Variants in PRKG1 observed in about 807,000 individuals in gnomAD.
PRKG1 encodes cGMP-dependent protein kinase 1.
A neutral mutation model predicts 88.1 loss-of-function variants in PRKG1; 35 were observed. The ratio of observed to expected loss-of-function variants is 0.40; its 90% CI spans 0.30 to 0.53. PRKG1 has a LOEUF of 0.53. Ranked by LOEUF, PRKG1 falls within the 20% of genes least tolerant of loss-of-function variation. PRKG1 has a pLI of 0.59. For missense variants in PRKG1, 540 were observed against 839.8 expected (o/e 0.64, Z 4.41); for synonymous variants, 303 against 292.5 (o/e 1.04, Z -0.37).
chr10:52,156,995 A>G (rs1017143567), intron 8 of PRKG1, among the ~76,000 whole-genome samples: 8 of 151,656 alleles, frequency 5.3e-5, no homozygotes, highest in African/African-American at 1.7e-4. Context: ...ATAGCTTCCA[A>G]TTTAAGATTT....
intron 5 of PRKG1, among the ~76,000 whole-genome samples, chr10:52,037,594 G>A (rs11000538): frequency 0.15 from 23,136 of 151,990 alleles, 1,812 homozygotes; most frequent in East Asian, 0.28. Context: ...GAGCCTAAAC[G>A]CTATCTGATT....
chr10:52,093,839 A>G (rs1293328454), intron 7 of PRKG1, among the ~76,000 whole-genome samples: 2 of 152,120 alleles, frequency 1.3e-5, no homozygotes, highest in Non-Finnish European at 2.9e-5. Context: ...TTAACCTTCT[A>G]TAGTTTTAAA....
chr10:51,951,080 C>T (rs1259922695), intron 5 of PRKG1, among the ~76,000 whole-genome samples: 2 of 152,128 alleles, frequency 1.3e-5, no homozygotes, highest in East Asian at 1.9e-4. Flanking sequence ...AAAAATCAGT[C>T]GGGGAAGGGT....
At chr10:51,353,647 C>T (rs540881444) in intron 2 of PRKG1, among the ~76,000 whole-genome samples, 1 of 152,120 alleles carries the variant, frequency 6.6e-6, no homozygotes, top group Non-Finnish European at 1.5e-5. Flanking sequence ...CAGGCAATAA[C>T]AAATGCTGGC....
At chr10:51,111,543 G>C (rs944604937) in intron 1 of PRKG1, among the ~76,000 whole-genome samples, 2 of 152,118 alleles carry the variant, frequency 1.3e-5, no homozygotes, top group Non-Finnish European at 2.9e-5. Flanking sequence ...AGGATGGAAA[G>C]ATGATTGATG....
chr10:52,239,457 A>AAAC (rs1373672796), intron 9 of PRKG1, among the ~76,000 whole-genome samples: 78 of 147,502 alleles, frequency 5.3e-4, no homozygotes, highest in African/African-American at 1.9e-3. Context: ...TTCATGTTTA[A>AAAC]GGGAAAGCCA....
intron 5 of PRKG1, among the ~76,000 whole-genome samples, chr10:51,966,575 C>A (rs11000315): frequency 0.1 from 15,598 of 152,190 alleles, 1,154 homozygotes; most frequent in East Asian, 0.29. Context: ...ATTCCTTTAA[C>A]TTCTCCTGGA....
chr10:51,980,897 TTGA>T (rs1455388277), intron 5 of PRKG1, among the ~76,000 whole-genome samples: 2 of 152,198 alleles, frequency 1.3e-5, no homozygotes, highest in African/African-American at 4.8e-5. Flanking sequence ...GATGGGTCTC[TTGA>T]AGACAGCATA....
At chr10:51,341,847 C>A (rs1242607010) in intron 2 of PRKG1, among the ~76,000 whole-genome samples, 10 of 152,138 alleles carry the variant, frequency 6.6e-5, no homozygotes, top group African/African-American at 2.4e-4. Context: ...AAATGAGGAG[C>A]AAGTCACGTC....
At chr10:51,053,192 T>C (rs1843585866) in intron 1 of PRKG1, among the ~76,000 whole-genome samples, 1 of 151,896 alleles carries the variant, frequency 6.6e-6, no homozygotes. Flanking sequence ...ATCACACCAT[T>C]GCACTCCAGT....
intron 3 of PRKG1, among the ~76,000 whole-genome samples, chr10:51,589,119 G>T (rs1433835885): frequency 1.3e-5 from 2 of 152,062 alleles, no homozygotes; most frequent in Non-Finnish European, 2.9e-5. Context: ...TTGTTGCTGA[G>T]TTGCTAACTG....
chr10:51,796,082 A>G, intron 3 of PRKG1, among the ~76,000 whole-genome samples: 1 of 152,134 alleles, frequency 6.6e-6, no homozygotes, highest in African/African-American at 2.4e-5. Flanking sequence ...AAGAATTATA[A>G]GAATATTTTA....
Position 52,010,466 on chromosome 10 carries a change from T to C in PRKG1, c.763-44018T>C, listed in dbSNP as rs553503830. The stretch of plus-strand genomic sequence containing the variant: ...TATAAAAAATGCTCAAGATCACTAA[T>C]CATTACTTAAACCAGGGGTGTTGAA... On this transcript the variant is annotated intron_variant, in intron 5 of 17. Coordinates refer to ENST00000373980, the MANE Select transcript of PRKG1 (RefSeq NM_006258.4). Among the ~76,000 whole-genome samples the C allele has an allele frequency of 2.0e-5, 3 of 152,250 alleles. No individual in the cohort carries two copies. The South Asian group carries it at 6.2e-4, about 32-fold the overall frequency.
chr10:51,296,448 T>C (rs1840722411), intron 2 of PRKG1, among the ~76,000 whole-genome samples: 1 of 152,096 alleles, frequency 6.6e-6, no homozygotes, highest in African/African-American at 2.4e-5. Flanking sequence ...TTCCTTTAGG[T>C]TATCCAGTTT....
At chr10:51,691,874 T>A (rs1841153801) in intron 3 of PRKG1, among the ~76,000 whole-genome samples, 1 of 152,188 alleles carries the variant, frequency 6.6e-6, no homozygotes, top group Non-Finnish European at 1.5e-5. Context: ...AGGTTTCTTG[T>A]CCAAAGATAT....
At chr10:52,217,034 G>A (rs1589707549) in intron 9 of PRKG1, among the ~76,000 whole-genome samples, 1 of 151,974 alleles carries the variant, frequency 6.6e-6, no homozygotes, top group Non-Finnish European at 1.5e-5. Context: ...CTGTCTGATG[G>A]TGATGCGGAA....
chr10:51,833,657 G>T (rs1286712242), intron 4 of PRKG1, among the ~76,000 whole-genome samples: 1 of 152,120 alleles, frequency 6.6e-6, no homozygotes, highest in Non-Finnish European at 1.5e-5. Flanking sequence ...AGGACAATTA[G>T]CCTATCCATC....
chr10:51,191,451 G>A (rs184923713), intron 2 of PRKG1, among the ~76,000 whole-genome samples: 1 of 151,946 alleles, frequency 6.6e-6, no homozygotes, highest in Admixed American at 6.6e-5. Context: ...TTGGAGCAGT[G>A]TCTGGCTCAT....
At position 52,159,713 on chromosome 10, in the gene PRKG1, C is replaced by T. The variant is rs189007758; in HGVS notation, c.1002-2176C>T. 8.0e-4 allele frequency among the ~76,000 whole-genome samples: 121 copies of T among 151,720 alleles called. 1 individual carries two copies. Among genetic ancestry groups the T allele is most frequent in the East Asian group, 1.4e-3 (7 of 5,178 alleles). Reference sequence around the variant, plus strand: ...TTTACTCTGTAATTCTTTGGTAATACGCTATCCTGTTTAAAGTGTCCTTAA... The same window carrying T: ...TTTACTCTGTAATTCTTTGGTAATATGCTATCCTGTTTAAAGTGTCCTTAA... On this transcript the variant is annotated intron_variant, in intron 8 of 17. Coordinates refer to ENST00000373980, the MANE Select transcript of PRKG1 (RefSeq NM_006258.4).
Sources: gnomAD v4.1 joint callset for allele counts (sites outside exome capture counted in the v4.1 genomes callset) on GRCh38, gnomAD v4.1.1 for gene constraint, MANE v1.5 for transcripts, NCBI Gene and HGNC (gene_info 2026-07-23, HGNC 2026-07-21) for gene names.